Variants in TNC observed in about 807,000 individuals in gnomAD.
TNC encodes the protein tenascin.
A neutral mutation model predicts 202.4 loss-of-function variants in TNC; 109 were observed. The observed-to-expected ratio is 0.54, with a 90% CI of 0.46 to 0.63. The LOEUF is 0.63. Among genes scored for constraint, TNC ranks in the 30% least tolerant of loss-of-function variants. TNC has a pLI of 0.00. For synonymous variants in TNC, 1,007 were observed against 1,089.7 expected (o/e 0.92, Z 1.50); for missense variants, 2,756 against 2,833.3 (o/e 0.97, Z 0.62).
At chr9:115,079,635 T>C (rs149686642) in intron 6 of TNC, among the ~76,000 whole-genome samples, 92 of 152,320 alleles carry the variant, frequency 6.0e-4, no homozygotes, top group South Asian at 3.9e-3. Flanking sequence ...TGGTGCTTTG[T>C]TATTTATGTC....
chr9:115,030,574 G>A (rs1045053936), intron 23 of TNC, among the ~76,000 whole-genome samples, 169 bp from the exon 24 acceptor site: 2 of 152,214 alleles, frequency 1.3e-5, no homozygotes, highest in Non-Finnish European at 2.9e-5. Flanking sequence ...ACTATGCCTA[G>A]TAGATGGGTC....
intron 15 of TNC, among the ~76,000 whole-genome samples, chr9:115,054,435 G>A (rs1385807892): frequency 6.6e-6 from 1 of 152,152 alleles, no homozygotes; most frequent in East Asian, 1.9e-4. Flanking sequence ...TGTTCCAAGT[G>A]GAACTCTGTT....
intron 1 of TNC, among the ~76,000 whole-genome samples, chr9:115,111,831 A>C (rs1276211894): frequency 6.6e-6 from 1 of 152,084 alleles, no homozygotes; most frequent in Non-Finnish European, 1.5e-5. Flanking sequence ...TCAGTTCAAT[A>C]TCTCTCAAGA....
chr9:115,022,110 T>G (rs1262493631), intron 27 of TNC, among the ~76,000 whole-genome samples: 1 of 152,216 alleles, frequency 6.6e-6, no homozygotes, highest in African/African-American at 2.4e-5. Flanking sequence ...AAACCCCACA[T>G]GGCCCCTTGC....
At chr9:115,077,241 A>G (rs1564103437) in intron 7 of TNC, among the ~76,000 whole-genome samples, 2 of 151,894 alleles carry the variant, frequency 1.3e-5, no homozygotes, top group African/African-American at 2.4e-5. Flanking sequence ...TATTTTTAGT[A>G]GAGACGGGGT....
intron 17 of TNC, among the ~76,000 whole-genome samples, chr9:115,045,501 G>A (rs1353466651): frequency 6.6e-6 from 1 of 151,216 alleles, no homozygotes; most frequent in Non-Finnish European, 1.5e-5. Context: ...AGAGTAGCTG[G>A]TACTACGGGC....
At chr9:115,045,898 A>G (rs1480554621) in intron 17 of TNC, among the ~76,000 whole-genome samples, 1 of 152,068 alleles carries the variant, frequency 6.6e-6, no homozygotes, top group Non-Finnish European at 1.5e-5. Context: ...AGCATTTTAT[A>G]AATATTAATG....
chr9:115,073,745 G>T lies in TNC; in HGVS notation c.3072C>A (p.Gly1024=). Residue 1024 remains glycine, a synonymous_variant, in exon 10 of 28, where the codon GGC becomes GGA. Coordinates refer to ENST00000350763, the MANE Select transcript of TNC (RefSeq NM_002160.4). ...TTGGAAGCTGCACTCCCACCCACTG[G>T]CCTGTGGGGAGACTGTAATTGAGGC... The part of the protein sequence containing the change: ...RYRLNYSLPT[G]QWVGVQLPRN... The T allele has an allele frequency of 6.2e-7, 1 of 1,614,166 alleles. No homozygotes were observed. Among genetic ancestry groups the T allele is most frequent in the Non-Finnish European group, 8.5e-7 (1 of 1,180,024 alleles).
intron 10 of TNC, among the ~76,000 whole-genome samples, chr9:115,068,227 G>T (rs976560288): frequency 6.6e-6 from 1 of 152,106 alleles, no homozygotes; most frequent in Non-Finnish European, 1.5e-5. Flanking sequence ...TTATCAAAAG[G>T]CTGTTGTCTT....
chr9:115,027,121 A>AAG, intron 25 of TNC, among the ~76,000 whole-genome samples: 1 of 50,590 alleles, frequency 2.0e-5, no homozygotes, highest in Non-Finnish European at 4.3e-5. Context: ...AAAGCAAAAA[A>AAG]AAAAAAAAAA....
chr9:115,068,733 G>T (rs1833135630), intron 10 of TNC, among the ~76,000 whole-genome samples: 1 of 152,190 alleles, frequency 6.6e-6, no homozygotes, highest in South Asian at 2.1e-4. Flanking sequence ...CTAAGGTAAA[G>T]TTTCTCATGC....
rs1435231294 is a variant in TNC at position 115,076,550 on chromosome 9, T to A, written c.2700A>T (p.Arg900=). ...TGCTGTTATCTGTCTGGGAAACACG[T>A]CGAAGATTCCTGGGAGCATCGAGGC... ...TTGLDAPRNL[R]RVSQTDNSIT... Residue 900 remains arginine, a synonymous_variant, in exon 8 of 28, where the codon CGA becomes CGT. Coordinates refer to ENST00000350763, the MANE Select transcript of TNC (RefSeq NM_002160.4). 1 of 1,614,054 alleles carries A rather than the reference T, an allele frequency of 6.2e-7. No individual in the cohort carries two copies. Among genetic ancestry groups the A allele is most frequent in the Non-Finnish European group, 8.5e-7 (1 of 1,180,042 alleles).
At position 115,063,810 on chromosome 9, in the gene TNC, A is replaced by G; in HGVS notation, c.3746T>C (p.Val1249Ala). The G allele has an allele frequency of 1.2e-6, 2 of 1,612,548 alleles. No individual in the cohort carries two copies. The highest frequency in any genetic ancestry group is 1.7e-6 in the Non-Finnish European group (2 of 1,178,708). The stretch of plus-strand genomic sequence containing the variant: ...GTCTAGAATACCTGTCAAGACTTCA[A>G]CAGAGAGAGGGGTTGTGCTGAAGTC... Reference protein sequence around the residue: ...TQDFSTTPLSVEVLTEEVPDM... With the variant: ...TQDFSTTPLSAEVLTEEVPDM... Residue 1249 changes from valine to alanine, a missense_variant, in exon 12 of 28, where the codon GTT (valine) becomes GCT (alanine). Val to Ala is a moderately conservative substitution (Grantham distance 64). This residue lies in a region of TNC where 2,559 missense variants were observed against 2,546.0 expected (regional missense o/e 1.01). Transcript: ENST00000350763.
intron 17 of TNC, among the ~76,000 whole-genome samples, chr9:115,044,037 A>G (rs1184068875): frequency 1.3e-5 from 2 of 152,174 alleles, no homozygotes; most frequent in East Asian, 1.9e-4. Flanking sequence ...TGAAACTCCA[A>G]GGACACTGTC....
intron 2 of TNC, among the ~76,000 whole-genome samples, chr9:115,089,626 G>C (rs1276158327): frequency 6.6e-6 from 1 of 152,038 alleles, no homozygotes; most frequent in Non-Finnish European, 1.5e-5. Context: ...TCAGCCTCCT[G>C]AGTAGCTGGG....
At chr9:115,026,476 G>A (rs1829488999) in intron 26 of TNC, 58 bp downstream of exon 26, 1 of 1,551,078 alleles carries the variant, frequency 6.4e-7, no homozygotes, top group African/African-American at 1.4e-5. Flanking sequence ...GAAATAAACT[G>A]TAAATGTCAA....
At position 115,040,951 on chromosome 9, in the gene TNC, T is replaced by G. The variant is rs1435450212; in HGVS notation, c.5382A>C (p.Ser1794=). Residue 1794 remains serine (S), a synonymous_variant, in exon 19 of 28, where the codon TCA becomes TCC. Coordinates refer to ENST00000350763, the MANE Select transcript of TNC (RefSeq NM_002160.4). ...ACCCCACCAACTCACCTGTGGTGAA[T>G]GACCCTGAGACAGGTTCACTTTCCT... is the stretch of plus-strand genomic sequence containing the variant. ...GFEESEPVSG[S]FTTALDGPSG... 1.2e-6 allele frequency: 2 copies of G among 1,613,150 alleles called. No homozygotes were observed. The highest frequency in any genetic ancestry group is 3.3e-5 in the Admixed American group (2 of 59,910).
At chr9:115,031,713 C>G in intron 22 of TNC, 28 bp from the exon 23 acceptor site, 1 of 1,598,294 alleles carries the variant, frequency 6.3e-7, no homozygotes, top group Admixed American at 1.8e-5. Flanking sequence ...AGTATAATGG[C>G]TTTTGGTCAC....
intron 15 of TNC, among the ~76,000 whole-genome samples, chr9:115,054,065 C>T (rs551547736): frequency 1.2e-4 from 18 of 152,090 alleles, no homozygotes; most frequent in Admixed American, 3.3e-4. Flanking sequence ...AAAGTAAGTG[C>T]GGCCCAGACT....
Sources: allele counts gnomAD v4.1 joint callset (sites outside exome capture counted in the v4.1 genomes callset), GRCh38; gene constraint gnomAD v4.1.1; regional missense constraint gnomAD v4.1.1; transcripts MANE v1.5; gene names NCBI Gene and HGNC (gene_info 2026-07-23, HGNC 2026-07-21).